Variants in AGBL4 observed in about 807,000 individuals in gnomAD.
The protein encoded by AGBL4 is cytosolic carboxypeptidase 6.
Under a neutral mutation model 66.4 loss-of-function variants are expected in AGBL4, and 58 were observed. That is an observed-to-expected ratio of 0.87 (90% CI 0.71 to 1.09). The LOEUF is 1.09. AGBL4 is among the 50% of genes least tolerant of loss of function. AGBL4 has a pLI of 0.00. For synonymous variants in AGBL4, 234 were observed against 222.9 expected, an observed-to-expected ratio of 1.05 and a Z score of -0.44; for missense variants, 579 against 631.0, an observed-to-expected ratio of 0.92 and a Z score of 0.88.
At chr1:49,276,486 T>A (rs899013784) in intron 3 of AGBL4, among the ~76,000 whole-genome samples, 1 of 152,198 alleles carries the variant, frequency 6.6e-6, no homozygotes, top group Non-Finnish European at 1.5e-5. Context: ...CAAATAGAAA[T>A]GACCCTATAA....
intron 6 of AGBL4, chr1:48,776,459 C>T: frequency 1.6e-6 from 1 of 617,306 alleles, no homozygotes; most frequent in Non-Finnish European, 2.5e-6. Context: ...CACCCCGTTC[C>T]CAAATGAAAT....
At chr1:48,755,452 G>C (rs576903439) in intron 6 of AGBL4, among the ~76,000 whole-genome samples, 1 of 152,318 alleles carries the variant, frequency 6.6e-6, no homozygotes, top group Admixed American at 6.5e-5. Context: ...GCCCCTAGCT[G>C]AGGTGGACAA....
intron 5 of AGBL4, among the ~76,000 whole-genome samples, chr1:49,026,134 C>G (rs1663666718): frequency 6.6e-6 from 1 of 151,996 alleles, no homozygotes; most frequent in Non-Finnish European, 1.5e-5. Context: ...AACTCAGGTT[C>G]AAAAGAAATA....
At chr1:49,038,068 C>T (rs990519264) in intron 5 of AGBL4, among the ~76,000 whole-genome samples, 1 of 152,024 alleles carries the variant, frequency 6.6e-6, no homozygotes, top group Non-Finnish European at 1.5e-5. Context: ...CCAAACTGAT[C>T]CTCTTTCCTG....
At chr1:49,972,906 T>C (rs1428010576) in intron 1 of AGBL4, among the ~76,000 whole-genome samples, 1 of 152,196 alleles carries the variant, frequency 6.6e-6, no homozygotes, top group Non-Finnish European at 1.5e-5. Flanking sequence ...TCACATATAT[T>C]ATGTTGCTTA....
At chr1:48,552,715 A>G (rs1047874633) in intron 11 of AGBL4, among the ~76,000 whole-genome samples, 1 of 152,146 alleles carries the variant, frequency 6.6e-6, no homozygotes, top group Non-Finnish European at 1.5e-5. Context: ...CCACTGGTCT[A>G]GTGGTTGTAC....
chr1:48,715,835 T>C (rs778523035), intron 6 of AGBL4, among the ~76,000 whole-genome samples: 1 of 152,184 alleles, frequency 6.6e-6, no homozygotes, highest in African/African-American at 2.4e-5. Context: ...TTTCTGGTCT[T>C]TTGGTTATTA....
intron 4 of AGBL4, among the ~76,000 whole-genome samples, chr1:49,099,347 C>A (rs1271807819): frequency 6.6e-6 from 1 of 152,120 alleles, no homozygotes; most frequent in Non-Finnish European, 1.5e-5. Context: ...ACATTATAAC[C>A]TCTTGAGGCA....
intron 3 of AGBL4, among the ~76,000 whole-genome samples, chr1:49,509,357 A>C (rs1484598151): frequency 6.6e-6 from 1 of 151,942 alleles, no homozygotes; most frequent in African/African-American, 2.4e-5. Context: ...GAGTATTTAC[A>C]TGCATTATTT....
intron 5 of AGBL4, among the ~76,000 whole-genome samples, chr1:48,967,266 G>GT (rs5774036): frequency 0.5 from 75,928 of 151,484 alleles, 19,249 homozygotes; most frequent in Admixed American, 0.57. Flanking sequence ...AAGTCACCAA[G>GT]ACCTGTGAGT....
intron 1 of AGBL4, among the ~76,000 whole-genome samples, chr1:50,018,938 A>G (rs1185405859): frequency 1.3e-5 from 2 of 152,120 alleles, no homozygotes; most frequent in Non-Finnish European, 2.9e-5. Flanking sequence ...CTTTTCCATA[A>G]TTCCAAAATC....
chr1:48,805,453 T>C (rs1259823553), intron 6 of AGBL4, among the ~76,000 whole-genome samples: 2 of 152,128 alleles, frequency 1.3e-5, no homozygotes, highest in Non-Finnish European at 2.9e-5. Context: ...TAAAATGTAG[T>C]TTCATATTTC....
At position 49,796,615 on chromosome 1, in the gene AGBL4, A is replaced by G. The variant is rs182187333; in HGVS notation, c.157+54781T>C. On this transcript the variant is annotated intron_variant, in intron 2 of 13. Transcript: ENST00000371839. ...TAATAAAGTGAAAAGCACAAAAAAA[A>G]TTACACTCTATAAGTAATCTCAACC... Among the ~76,000 whole-genome samples, 541 of 151,642 alleles carry G rather than the reference A, an allele frequency of 3.6e-3. 4 individuals carry two copies. The highest frequency in any genetic ancestry group is 0.012 in the African/African-American group (519 of 41,544).
At chr1:49,209,638 A>T (rs546000195) in intron 4 of AGBL4, among the ~76,000 whole-genome samples, 1 of 152,212 alleles carries the variant, frequency 6.6e-6, no homozygotes, top group South Asian at 2.1e-4. Flanking sequence ...GCCAGTGGGG[A>T]TTATGAGTTG....
chr1:48,694,829 CT>C (rs1185294028), intron 6 of AGBL4, among the ~76,000 whole-genome samples: 1 of 151,398 alleles, frequency 6.6e-6, no homozygotes, highest in East Asian at 1.9e-4. Context: ...CAATAACCCC[CT>C]CTAGCAAATG....
intron 5 of AGBL4, among the ~76,000 whole-genome samples, chr1:49,043,206 C>T (rs1422259902): frequency 6.6e-6 from 1 of 152,164 alleles, no homozygotes; most frequent in African/African-American, 2.4e-5. Flanking sequence ...TGCATCCACT[C>T]TCCACCTTTC....
chr1:49,852,724 C>A (rs1341579574), intron 1 of AGBL4, among the ~76,000 whole-genome samples: 1 of 152,094 alleles, frequency 6.6e-6, no homozygotes, highest in East Asian at 1.9e-4. Flanking sequence ...AAATATTATT[C>A]ATCACTATAA....
intron 4 of AGBL4, among the ~76,000 whole-genome samples, chr1:49,047,106 T>C (rs1370024115): frequency 6.6e-6 from 1 of 152,202 alleles, no homozygotes; most frequent in Non-Finnish European, 1.5e-5. Context: ...AGTGTCTTTC[T>C]GAAGCTAAGT....
At chr1:49,398,243 T>C (rs1031769220) in intron 3 of AGBL4, among the ~76,000 whole-genome samples, 1 of 152,070 alleles carries the variant, frequency 6.6e-6, no homozygotes, top group African/African-American at 2.4e-5. Context: ...CCCTCAGCAA[T>C]GTGGGCAGGC....
Sources: allele counts gnomAD v4.1 joint callset (sites outside exome capture counted in the v4.1 genomes callset), GRCh38; gene constraint gnomAD v4.1.1; transcripts MANE v1.5; gene names NCBI Gene and HGNC (gene_info 2026-07-23, HGNC 2026-07-21).